The following SMC5 variants were observed in gnomAD, a reference collection of about 807,000 sequenced individuals.
SMC5 encodes structural maintenance of chromosomes 5.
Under a neutral mutation model 148.3 loss-of-function variants are expected in SMC5, and 88 were observed. The observed-to-expected ratio is 0.59, with a 90% CI of 0.50 to 0.71. The LOEUF (loss-of-function observed/expected upper bound fraction) is 0.71, where lower values mean the gene tolerates loss of function less well. Among genes scored for constraint, SMC5 ranks in the 30% least tolerant of loss-of-function variants. The probability of loss-of-function intolerance (pLI) is 0.00; values close to 1 mark genes in which losing one functional copy is unlikely to be tolerated. For synonymous variants in SMC5, 421 were observed against 432.8 expected (o/e 0.97, Z 0.34); for missense variants, 1,142 against 1,298.9 (o/e 0.88, Z 1.86).
rs2036296485 is a variant in SMC5, at chr9:70,334,129, G to GC, written c.2397+9986_2397+9987insC. ...CACATATTTATGGTCAGTTGTTGTTGTTTTTTTTTTTTTTTTGACAAAGAT... is the reference window on the plus strand; with the variant it reads ...CACATATTTATGGTCAGTTGTTGTTGCTTTTTTTTTTTTTTTTGACAAAGAT... On this transcript the variant is annotated intron_variant, in intron 17 of 24. Coordinates refer to ENST00000361138, the MANE Select transcript of SMC5 (RefSeq NM_015110.4). 3.7e-5 allele frequency among the ~76,000 whole-genome samples: 5 copies of GC among 133,998 alleles called. No individual in the cohort carries two copies. The South Asian group carries it at 1.2e-3, about 33-fold the overall frequency. 87.9% of individuals were successfully genotyped at this position (133,998 alleles called of 152,430 possible).
chr9:70,329,808 G>A (rs1056467337), intron 17 of SMC5, among the ~76,000 whole-genome samples: 5 of 152,148 alleles, frequency 3.3e-5, no homozygotes, highest in Non-Finnish European at 5.9e-5. Context: ...AACTACCTGA[G>A]ACTGGGTAAT....
intron 17 of SMC5, among the ~76,000 whole-genome samples, chr9:70,335,030 A>G (rs1415975879): frequency 1.3e-5 from 2 of 152,240 alleles, no homozygotes; most frequent in Non-Finnish European, 2.9e-5. Flanking sequence ...ATTTGGAGCA[A>G]CTGGAACTGT....
At chr9:70,336,307 AAAAC>A (rs1238078012) in intron 17 of SMC5, among the ~76,000 whole-genome samples, 4 of 152,178 alleles carry the variant, frequency 2.6e-5, no homozygotes, top group African/African-American at 9.7e-5. Flanking sequence ...ACTTAAGAAA[AAAAC>A]AGTGTTGCTA....
At chr9:70,298,830 T>C (rs543654090) in intron 9 of SMC5, among the ~76,000 whole-genome samples, 11 of 151,948 alleles carry the variant, frequency 7.2e-5, no homozygotes, top group African/African-American at 2.4e-4. Flanking sequence ...TTTAACTCTT[T>C]AAGAAGATTT....
chr9:70,352,050 C>A, intron 24 of SMC5, 141 bp from the exon 25 acceptor site: 1 of 685,552 alleles, frequency 1.5e-6, no homozygotes, highest in Non-Finnish European at 2.2e-6. Context: ...CTCTGTACTC[C>A]GGCCTGAGCA....
At chr9:70,344,371 G>T (rs1009376148) in intron 18 of SMC5, 102 bp downstream of exon 18, 16 of 808,608 alleles carry the variant, frequency 2.0e-5, no homozygotes, top group Admixed American at 1.3e-4. Flanking sequence ...ATGATGTGTC[G>T]TAAAAAATAG....
In SMC5 at chr9:70,352,717, C is replaced by T. The variant is rs749435761; in HGVS notation, c.*386C>T. On this transcript the variant is annotated 3_prime_UTR_variant, in exon 25 of 25. Transcript: ENST00000361138. ...AATTACTTTTAGAGCCTAAAGATGA[C>T]TCTAGAGCCTAAGTCCTAGTTTCTC... The T allele has an allele frequency of 5.0e-5, 8 of 159,894 alleles. No individual in the cohort carries two copies. The highest frequency in any genetic ancestry group is 9.6e-5 in the Non-Finnish European group (7 of 73,040). 9.9% of individuals were successfully genotyped at this position (159,894 alleles called of 1,614,324 possible). A position where few individuals can be genotyped will look rare whatever the true frequency, so the allele number is the denominator to read the frequency against.
chr9:70,283,237 G>A (rs2034801027), intron 7 of SMC5, among the ~76,000 whole-genome samples: 1 of 152,152 alleles, frequency 6.6e-6, no homozygotes. Flanking sequence ...GCTGAGGCGG[G>A]CGGATCAGTT....
rs761383519 is a variant in SMC5, at chr9:70,350,323, T to G, written c.3069+30T>G. The stretch of plus-strand genomic sequence containing the variant: ...GGTGATTGTTCTGTTACTTGGATCT[T>G]CTTATATCCTGTAACAGGAATAAAT... On this transcript the variant is annotated intron_variant, in intron 23 of 24. Coordinates refer to ENST00000361138, the MANE Select transcript of SMC5 (RefSeq NM_015110.4). 20 of 1,609,984 alleles carry G rather than the reference T, an allele frequency of 1.2e-5. No homozygotes were observed. In the Admixed American group the frequency reaches 3.4e-4, roughly 27 times the overall value.
At chr9:70,326,090 C>A (rs1453383317) in intron 17 of SMC5, among the ~76,000 whole-genome samples, 1 of 152,056 alleles carries the variant, frequency 6.6e-6, no homozygotes, top group Non-Finnish European at 1.5e-5. Flanking sequence ...GGTCAAACAT[C>A]AGTCATATTA....
intron 10 of SMC5, among the ~76,000 whole-genome samples, chr9:70,300,947 C>T (rs1196838203): frequency 6.6e-6 from 1 of 151,872 alleles, no homozygotes; most frequent in Non-Finnish European, 1.5e-5. Flanking sequence ...TTTCAGGATT[C>T]GTGAAAAATT....
At chr9:70,339,009 A>G (rs926494025) in intron 17 of SMC5, among the ~76,000 whole-genome samples, 2 of 152,272 alleles carry the variant, frequency 1.3e-5, no homozygotes, top group South Asian at 2.1e-4. Context: ...ATAAAATAAA[A>G]TTTTTTAATG....
At chr9:70,277,288 T>G (rs1178787456) in intron 3 of SMC5, 22 bp from the exon 4 acceptor site, 14 of 1,456,806 alleles carry the variant, frequency 9.6e-6, no homozygotes, top group Non-Finnish European at 1.2e-5. Flanking sequence ...ATATAAAGAT[T>G]CTTAAATTAT....
At chr9:70,339,321 C>T (rs983041696) in intron 17 of SMC5, among the ~76,000 whole-genome samples, 3 of 151,472 alleles carry the variant, frequency 2.0e-5, no homozygotes, top group Non-Finnish European at 4.4e-5. Context: ...CCCAGCTACT[C>T]GGGAGGCTGA....
rs976761443 is a variant in SMC5, at chr9:70,323,413, G to A, written c.2151-70G>A. The A allele has an allele frequency of 1.1e-5, 16 of 1,449,700 alleles. No homozygotes were observed. In the South Asian group the frequency reaches 1.2e-4, roughly 11 times the overall value. The allele number at this position is 1,449,700 out of a possible 1,614,324, so 89.8% of individuals were successfully genotyped here. A position where few individuals can be genotyped will look rare whatever the true frequency, so the allele number is the denominator to read the frequency against. The stretch of plus-strand genomic sequence containing the variant: ...CTAAATATATCCCAGAAAACTGGGG[G>A]GGACCTAAGAATTTGGGATCAATTC... On this transcript the variant is annotated intron_variant, in intron 15 of 24. Coordinates refer to ENST00000361138, the MANE Select transcript of SMC5 (RefSeq NM_015110.4).
rs193097925 is a variant in SMC5 at position 70,258,998 on chromosome 9, G to A, written c.-81G>A. On this transcript the variant is annotated 5_prime_UTR_variant, in exon 1 of 25. Coordinates refer to ENST00000361138, the MANE Select transcript of SMC5 (RefSeq NM_015110.4). Reference sequence around the variant, plus strand: ...GCGGCAGTTCGCGCGGGAGCGGGGCGCCTGGGTGGATGGGCGCTTGGGCGC... The same window carrying A: ...GCGGCAGTTCGCGCGGGAGCGGGGCACCTGGGTGGATGGGCGCTTGGGCGC... The A allele has an allele frequency of 1.7e-5, 25 of 1,447,728 alleles. No homozygotes were observed. Among genetic ancestry groups the A allele is most frequent in the East Asian group, 2.5e-5 (1 of 39,626 alleles). 89.7% of individuals were successfully genotyped at this position (1,447,728 alleles called of 1,614,324 possible).
At chr9:70,344,092 C>A (rs2036597534) in intron 17 of SMC5, 52 bp from the exon 18 acceptor site, 1 of 1,142,948 alleles carries the variant, frequency 8.7e-7, no homozygotes, top group Non-Finnish European at 1.2e-6. Context: ...AATAAAACAT[C>A]CCTCTGCTTT....
chr9:70,276,626 A>G (rs1044742257), intron 3 of SMC5, among the ~76,000 whole-genome samples: 1 of 152,210 alleles, frequency 6.6e-6, no homozygotes, highest in African/African-American at 2.4e-5. Flanking sequence ...TAGTGATTGG[A>G]TACCAATAAT....
chr9:70,305,854 A>G (rs1252949125), intron 11 of SMC5, among the ~76,000 whole-genome samples: 1 of 152,202 alleles, frequency 6.6e-6, no homozygotes, highest in Admixed American at 6.5e-5. Context: ...AGTAGTTAAG[A>G]ATGTATACTT....
Sources: gnomAD v4.1 joint callset for allele counts (sites outside exome capture counted in the v4.1 genomes callset) on GRCh38, gnomAD v4.1.1 for gene constraint, MANE v1.5 for transcripts, NCBI Gene and HGNC (gene_info 2026-07-23, HGNC 2026-07-21) for gene names.